CHCHD6: variants seen among roughly 807,000 people sequenced by gnomAD.
The protein encoded by CHCHD6 is coiled-coil-helix-coiled-coil-helix domain containing 6.
CHCHD6 carries 28 observed loss-of-function variants against 32.3 expected under a neutral mutation model. That is an observed-to-expected ratio of 0.87 (90% CI 0.64 to 1.19). The LOEUF (loss-of-function observed/expected upper bound fraction) is 1.19, where lower values mean the gene tolerates loss of function less well. CHCHD6 is among the 50% of genes most tolerant of loss of function. The pLI, the probability that CHCHD6 is intolerant of heterozygous loss-of-function variation, is 0.00. For missense variants in CHCHD6, 333 were observed against 307.0 expected (o/e 1.08, Z -0.63); for synonymous variants, 122 against 117.5 (o/e 1.04, Z -0.25).
chr3:126,947,117 G>T (rs1357256286), intron 6 of CHCHD6, among the ~76,000 whole-genome samples: 2 of 152,274 alleles, frequency 1.3e-5, no homozygotes, highest in African/African-American at 4.8e-5. Context: ...CCTGGGAGCT[G>T]GAGTGCCCGC....
chr3:126,935,540 A>G (rs1376635256), intron 6 of CHCHD6, among the ~76,000 whole-genome samples: 1 of 152,232 alleles, frequency 6.6e-6, no homozygotes, highest in Non-Finnish European at 1.5e-5. Flanking sequence ...TTGTAACAGA[A>G]AGGCGTTCTG....
At chr3:126,799,740 G>A (rs1197832946) in intron 4 of CHCHD6, among the ~76,000 whole-genome samples, 1 of 152,150 alleles carries the variant, frequency 6.6e-6, no homozygotes, top group East Asian at 1.9e-4. Context: ...GGGGTTAGGT[G>A]AGAAAGTCTA....
At chr3:126,810,243 A>G (rs1939600728) in intron 4 of CHCHD6, among the ~76,000 whole-genome samples, 2 of 152,254 alleles carry the variant, frequency 1.3e-5, no homozygotes, top group South Asian at 4.1e-4. Flanking sequence ...TCCTGTGAAC[A>G]CTAATTGTTG....
intron 4 of CHCHD6, among the ~76,000 whole-genome samples, chr3:126,759,669 T>G (rs1043916947): frequency 6.6e-6 from 1 of 152,214 alleles, no homozygotes. Flanking sequence ...CGGGTGATTT[T>G]TTGCTCTCCT....
chr3:126,896,934 C>T (rs958843351), intron 5 of CHCHD6, among the ~76,000 whole-genome samples: 1 of 152,162 alleles, frequency 6.6e-6, no homozygotes, highest in Non-Finnish European at 1.5e-5. Context: ...TTTTCCCTGT[C>T]CCATCCTTTC....
chr3:126,830,166 G>A (rs189638456), intron 4 of CHCHD6, among the ~76,000 whole-genome samples: 16 of 152,320 alleles, frequency 1.1e-4, no homozygotes, highest in African/African-American at 3.8e-4. Context: ...TGTGGTGTTT[G>A]TGGTAGCAGC....
chr3:126,952,678 G>A (rs1222093583), intron 6 of CHCHD6, among the ~76,000 whole-genome samples: 2 of 152,224 alleles, frequency 1.3e-5, no homozygotes, highest in Non-Finnish European at 2.9e-5. Context: ...CGGAGATGGA[G>A]GCAAAAGGGG....
Position 126,862,549 on chromosome 3 carries a change from T to A in CHCHD6, c.495+9819T>A, listed in dbSNP as rs553059288. ...CTCACCCTCTTCCACCATCACCACC[T>A]CCTCCTCCTCCACCATCACCACCTC... is the stretch of plus-strand genomic sequence containing the variant. On this transcript the variant is annotated intron_variant, in intron 5 of 7. Coordinates refer to ENST00000290913, the MANE Select transcript of CHCHD6 (RefSeq NM_032343.3). Among the ~76,000 whole-genome samples, 5 of 123,280 alleles carry A rather than the reference T, an allele frequency of 4.1e-5. No individual in the cohort carries two copies. In the South Asian group the frequency reaches 1.5e-3, roughly 38 times the overall value. 80.9% of individuals were successfully genotyped at this position (123,280 alleles called of 152,430 possible).
intron 5 of CHCHD6, among the ~76,000 whole-genome samples, chr3:126,895,503 G>A (rs2077825619): frequency 6.6e-6 from 1 of 152,240 alleles, no homozygotes; most frequent in Non-Finnish European, 1.5e-5. Flanking sequence ...GAGTTCACAA[G>A]ATACTTGGGT....
intron 4 of CHCHD6, among the ~76,000 whole-genome samples, chr3:126,767,959 G>A (rs183363145): frequency 7.9e-5 from 12 of 152,220 alleles, no homozygotes; most frequent in African/African-American, 2.6e-4. Context: ...AGTATTCCAT[G>A]GTGTACATGT....
intron 4 of CHCHD6, among the ~76,000 whole-genome samples, chr3:126,803,130 T>A (rs1365059176): frequency 2.0e-5 from 3 of 151,664 alleles, no homozygotes; most frequent in Non-Finnish European, 4.4e-5. Flanking sequence ...TAAAAGACCA[T>A]CGAGACTAGG....
chr3:126,824,560 CAAAAAAA>C lies in CHCHD6; in HGVS notation c.412-28072_412-28066del, dbSNP rs71150454. Among the ~76,000 whole-genome samples, 33 of 39,998 alleles carry C rather than the reference CAAAAAAA, an allele frequency of 8.3e-4. 3 individuals carry two copies. In the East Asian group the frequency reaches 0.033, roughly 40 times the overall value. 26.2% of individuals were successfully genotyped at this position (39,998 alleles called of 152,430 possible). A position where few individuals can be genotyped will look rare whatever the true frequency, so the allele number is the denominator to read the frequency against. On this transcript the variant is annotated intron_variant, in intron 4 of 7. Transcript: ENST00000290913. ...TAGGTGATAGAGCAAGACTCTGTCT[CAAAAAAA>C]AAAAAAAAAAAAAAGTCAAATGTTG...
Position 126,757,819 on chromosome 3 carries a change from G to T in CHCHD6, c.411+24597G>T, listed in dbSNP as rs115499929. On this transcript the variant is annotated intron_variant, in intron 4 of 7. Transcript: ENST00000290913. ...CAGGGGTGCCCAGCTGCCGACAGGGGTATCTTTGTGAATTTTTGGGTGTCA... is the reference window on the plus strand; with the variant it reads ...CAGGGGTGCCCAGCTGCCGACAGGGTTATCTTTGTGAATTTTTGGGTGTCA... Among the ~76,000 whole-genome samples the T allele has an allele frequency of 7.1e-3, 1,078 of 152,256 alleles. 11 individuals carry two copies. The highest frequency in any genetic ancestry group is 0.025 in the African/African-American group (1,018 of 41,536).
At chr3:126,717,862 T>C (rs977881648) in intron 1 of CHCHD6, among the ~76,000 whole-genome samples, 2 of 152,210 alleles carry the variant, frequency 1.3e-5, no homozygotes, top group African/African-American at 2.4e-5. Flanking sequence ...CCTTCACTAC[T>C]CTGCACGCGT....
At chr3:126,718,852 C>T (rs754336688) in intron 1 of CHCHD6, among the ~76,000 whole-genome samples, 1 of 152,234 alleles carries the variant, frequency 6.6e-6, no homozygotes, top group Non-Finnish European at 1.5e-5. Flanking sequence ...TTTATTCTCA[C>T]ATGACTGCTG....
At chr3:126,935,388 C>G (rs1008477288) in intron 6 of CHCHD6, among the ~76,000 whole-genome samples, 3 of 152,186 alleles carry the variant, frequency 2.0e-5, no homozygotes, top group African/African-American at 7.2e-5. Context: ...CAAGCTCAGC[C>G]CCAGAATAAC....
At chr3:126,818,917 A>AT (rs1352213637) in intron 4 of CHCHD6, among the ~76,000 whole-genome samples, 1 of 152,188 alleles carries the variant, frequency 6.6e-6, no homozygotes, top group Non-Finnish European at 1.5e-5. Context: ...ATCTGCTCCT[A>AT]GGCCTACGTG....
intron 1 of CHCHD6, among the ~76,000 whole-genome samples, chr3:126,719,062 A>AC (rs1383065490): frequency 6.6e-6 from 1 of 151,962 alleles, no homozygotes; most frequent in East Asian, 1.9e-4. Context: ...CCTGTGCAGA[A>AC]CCCCCGCAGT....
intron 5 of CHCHD6, among the ~76,000 whole-genome samples, chr3:126,879,861 G>C (rs1295451891): frequency 6.6e-6 from 1 of 152,220 alleles, no homozygotes; most frequent in Non-Finnish European, 1.5e-5. Context: ...GTGATGAAAT[G>C]TGTAAATGTG....
Sources: allele counts gnomAD v4.1 joint callset (sites outside exome capture counted in the v4.1 genomes callset), GRCh38; gene constraint gnomAD v4.1.1; transcripts MANE v1.5; gene names NCBI Gene and HGNC (gene_info 2026-07-23, HGNC 2026-07-21).